Variants in PVT1 observed in about 807,000 individuals in gnomAD.
PVT1 encodes CXCR4/PVT1 fusion.
intron 5 of PVT1, among the ~76,000 whole-genome samples, chr8:128,090,851 AT>A (rs144071949): frequency 2.6e-5 from 4 of 151,200 alleles, no homozygotes; most frequent in Admixed American, 1.3e-4. Context: ...GCTCCTAAAT[AT>A]TTTTTTTTCT....
intron 2 of PVT1, among the ~76,000 whole-genome samples, chr8:127,817,806 T>G (rs2129674267): frequency 6.6e-6 from 1 of 151,142 alleles, no homozygotes; most frequent in Non-Finnish European, 1.5e-5. Flanking sequence ...ATGGGAGAAT[T>G]GCTTGAGCCT....
intron 2 of PVT1, among the ~76,000 whole-genome samples, chr8:127,802,723 T>C (rs1348819986): frequency 6.6e-6 from 1 of 152,172 alleles, no homozygotes; most frequent in Admixed American, 6.5e-5. Context: ...GTGAATCAAA[T>C]GTGTGGGTGA....
chr8:128,049,543 C>T (rs1813662426), intron 4 of PVT1, among the ~76,000 whole-genome samples: 2 of 152,186 alleles, frequency 1.3e-5, no homozygotes, highest in Admixed American at 1.3e-4. Context: ...TGGGCCCCTC[C>T]AGGTCCACTC....
chr8:127,815,160 C>T lies in PVT1; in HGVS notation n.372+19089C>T, dbSNP rs910139968. ...TTTGTATTTTTTAGTAGAGACGGGG[C>T]TTCGCCATGTTGGCCAGGCTGGTCT... On this transcript the variant is annotated intron_variant and non_coding_transcript_variant, in intron 2 of 10. Transcript: ENST00000651587. Among the ~76,000 whole-genome samples the T allele has an allele frequency of 2.0e-5, 3 of 152,026 alleles. No homozygotes were observed. The East Asian group carries it at 5.8e-4, about 29-fold the overall frequency.
At chr8:127,868,048 C>T (rs960972574) in intron 2 of PVT1, among the ~76,000 whole-genome samples, 36 of 152,168 alleles carry the variant, frequency 2.4e-4, no homozygotes, top group African/African-American at 8.7e-4. Flanking sequence ...TAATCTTTTT[C>T]TTATTATGAA....
chr8:127,954,623 G>T (rs995401803), intron 3 of PVT1, among the ~76,000 whole-genome samples: 2 of 152,192 alleles, frequency 1.3e-5, no homozygotes, highest in South Asian at 2.1e-4. Flanking sequence ...TGTGGGTGTG[G>T]TTCAGCGCCC....
intron 2 of PVT1, among the ~76,000 whole-genome samples, chr8:127,857,356 C>A (rs1465632536): frequency 6.6e-6 from 1 of 151,884 alleles, no homozygotes; most frequent in Non-Finnish European, 1.5e-5. Flanking sequence ...AGAGGCAGCT[C>A]GGTTCCCCCA....
intron 3 of PVT1, among the ~76,000 whole-genome samples, chr8:127,945,167 A>T (rs1391228303): frequency 6.6e-6 from 1 of 152,154 alleles, no homozygotes; most frequent in Non-Finnish European, 1.5e-5. Flanking sequence ...CTGTTGAGAC[A>T]CTGTGCTTGA....
At chr8:128,056,121 C>G (rs1332529868) in intron 4 of PVT1, among the ~76,000 whole-genome samples, 2 of 152,160 alleles carry the variant, frequency 1.3e-5, no homozygotes, top group African/African-American at 2.4e-5. Flanking sequence ...AACTCTGGAG[C>G]CAGTCTGCCC....
intron 5 of PVT1, among the ~76,000 whole-genome samples, chr8:128,090,997 CTG>C (rs1160661020): frequency 6.6e-6 from 1 of 152,166 alleles, no homozygotes; most frequent in African/African-American, 2.4e-5. Context: ...TGATCCTCCT[CTG>C]TAAAATGGGA....
chr8:127,957,810 C>G (rs1337543084), intron 3 of PVT1, among the ~76,000 whole-genome samples: 1 of 152,246 alleles, frequency 6.6e-6, no homozygotes, highest in African/African-American at 2.4e-5. Context: ...CATGCACACA[C>G]ACACAAGGTG....
chr8:128,002,779 G>T (rs1817195395), intron 4 of PVT1, among the ~76,000 whole-genome samples: 1 of 152,216 alleles, frequency 6.6e-6, no homozygotes, highest in South Asian at 2.1e-4. Context: ...CACATTCACA[G>T]GTTCTGGGAG....
chr8:127,897,629 AAGAC>A (rs137989176), intron 3 of PVT1, among the ~76,000 whole-genome samples: 5,226 of 150,204 alleles, frequency 0.035, 322 homozygotes, highest in African/African-American at 0.12. Context: ...GAAAGAAAGA[AAGAC>A]AGACAAAGAA....
chr8:127,932,624 C>G (rs1206075777), intron 3 of PVT1: 1 of 398,310 alleles, frequency 2.5e-6, no homozygotes, highest in East Asian at 3.6e-5. Flanking sequence ...AGACATGGTA[C>G]CTGATGGACA....
intron 3 of PVT1, among the ~76,000 whole-genome samples, chr8:127,965,887 G>T (rs1439381624): frequency 6.6e-6 from 1 of 152,186 alleles, no homozygotes; most frequent in African/African-American, 2.4e-5. Context: ...GACTTTAGGT[G>T]AGGGGGAGAG....
chr8:127,810,108 G>A (rs1281705819), intron 2 of PVT1, among the ~76,000 whole-genome samples: 1 of 152,214 alleles, frequency 6.6e-6, no homozygotes, highest in Non-Finnish European at 1.5e-5. Context: ...AGGGAGAGGA[G>A]CAGGAGGGGG....
At chr8:127,933,704 T>C (rs1816239049) in intron 3 of PVT1, among the ~76,000 whole-genome samples, 1 of 152,202 alleles carries the variant, frequency 6.6e-6, no homozygotes, top group Non-Finnish European at 1.5e-5. Context: ...AAGGATGTGC[T>C]GTTTCTACTT....
chr8:127,901,561 A>AT (rs1187020954), intron 3 of PVT1, among the ~76,000 whole-genome samples: 5 of 152,128 alleles, frequency 3.3e-5, no homozygotes, highest in Admixed American at 2.6e-4. Flanking sequence ...ACAAGGAATG[A>AT]TTTTTTTCTT....
intron 2 of PVT1, among the ~76,000 whole-genome samples, chr8:127,865,053 G>A (rs982500852): frequency 1.3e-5 from 2 of 152,206 alleles, no homozygotes; most frequent in Admixed American, 6.5e-5. Context: ...GAACACCAGT[G>A]TTCCAATCCC....
Sources: gnomAD v4.1 joint callset for allele counts (sites outside exome capture counted in the v4.1 genomes callset) on GRCh38, gnomAD v4.1.1 for gene constraint, MANE v1.5 for transcripts, NCBI Gene and HGNC (gene_info 2026-07-23, HGNC 2026-07-21) for gene names.